Variants in DIAPH3 observed in about 807,000 individuals in gnomAD.
DIAPH3 encodes diaphanous related formin 3.
A neutral mutation model predicts 144.3 loss-of-function variants in DIAPH3; 117 were observed. That is an observed-to-expected ratio of 0.81 (90% CI 0.70 to 0.95). The LOEUF is 0.95. Among genes scored for constraint, DIAPH3 ranks in the 40% least tolerant of loss-of-function variants. The pLI is 0.00. For missense variants in DIAPH3, 1,421 were observed against 1,412.7 expected (o/e 1.01, Z -0.09); for synonymous variants, 519 against 488.9 (o/e 1.06, Z -0.81).
At chr13:59,774,373 C>T (rs1303639727) in intron 26 of DIAPH3, 125 bp from the exon 27 acceptor site, 2 of 763,948 alleles carry the variant, frequency 2.6e-6, no homozygotes, top group Non-Finnish European at 4.4e-6. Context: ...GCTTCAATAT[C>T]CTGAAATACT....
chr13:59,729,572 T>C (rs1428392945), intron 27 of DIAPH3, among the ~76,000 whole-genome samples: 3 of 152,062 alleles, frequency 2.0e-5, no homozygotes, highest in African/African-American at 7.2e-5. Flanking sequence ...ATCTGTATCT[T>C]GATTGTGATG....
chr13:59,716,704 T>C (rs2035079725), intron 27 of DIAPH3, among the ~76,000 whole-genome samples: 2 of 152,174 alleles, frequency 1.3e-5, no homozygotes, highest in Non-Finnish European at 2.9e-5. Context: ...AAAGATCACA[T>C]TATAAGCAGC....
chr13:59,666,485 A>C lies in DIAPH3; in HGVS notation c.*99T>G. 2 of 1,342,196 alleles carry C rather than the reference A, an allele frequency of 1.5e-6. No homozygotes were observed. The highest frequency in any genetic ancestry group is 2.0e-6 in the Non-Finnish European group (2 of 975,984). 83.1% of individuals were successfully genotyped at this position (1,342,196 alleles called of 1,614,324 possible). A position where few individuals can be genotyped will look rare whatever the true frequency, so the allele number is the denominator to read the frequency against. ...CTAATATATATCATAATTTAAAACT[A>C]TATAAAGTCACTTACATAAAAGCAA... is the stretch of plus-strand genomic sequence containing the variant. On this transcript the variant is annotated 3_prime_UTR_variant, in exon 28 of 28. Coordinates refer to ENST00000400324, the MANE Select transcript of DIAPH3 (RefSeq NM_001042517.2).
intron 24 of DIAPH3, 82 bp from the exon 25 acceptor site, chr13:59,811,005 T>G: frequency 7.8e-7 from 1 of 1,280,136 alleles, no homozygotes; most frequent in Non-Finnish European, 1.1e-6. Flanking sequence ...AAAATATGCT[T>G]AAGGTAGAAA....
chr13:60,141,322 T>G (rs1249328558), intron 1 of DIAPH3, among the ~76,000 whole-genome samples: 2 of 107,470 alleles, frequency 1.9e-5, no homozygotes, highest in Non-Finnish European at 4.0e-5. Context: ...TCTAATTTTT[T>G]CTACTACACA....
intron 9 of DIAPH3, among the ~76,000 whole-genome samples, chr13:59,994,807 G>C (rs943571319): frequency 2.6e-5 from 4 of 151,796 alleles, no homozygotes; most frequent in African/African-American, 9.7e-5. Context: ...AAGAAATGAG[G>C]TTGAACAAGG....
chr13:60,111,667 C>A lies in DIAPH3; in HGVS notation c.390+343G>T, dbSNP rs184696868. On this transcript the variant is annotated intron_variant, in intron 3 of 27. Coordinates refer to ENST00000400324, the MANE Select transcript of DIAPH3 (RefSeq NM_001042517.2). ...ATTCCAAAATCATCTCCACCACCCC[C>A]CAAACGCTCATGGAAAAATTGTCTT... Among the ~76,000 whole-genome samples the A allele has an allele frequency of 9.4e-4, 143 of 152,280 alleles. 2 individuals are homozygous for A. Among genetic ancestry groups the A allele is most frequent in the Non-Finnish European group, 1.5e-3 (105 of 68,012 alleles).
At chr13:59,947,381 T>C (rs958120729) in intron 17 of DIAPH3, among the ~76,000 whole-genome samples, 1 of 152,226 alleles carries the variant, frequency 6.6e-6, no homozygotes, top group African/African-American at 2.4e-5. Context: ...CACCGCCTGA[T>C]TCTCTTAACG....
At chr13:59,879,567 T>C in intron 20 of DIAPH3, 99 bp from the exon 21 acceptor site, 1 of 1,521,338 alleles carries the variant, frequency 6.6e-7, no homozygotes, top group Non-Finnish European at 9.0e-7. Flanking sequence ...GGTATGACAG[T>C]ACCAAAGAAG....
chr13:59,839,863 T>C (rs1021353777), intron 22 of DIAPH3, among the ~76,000 whole-genome samples: 13 of 152,296 alleles, frequency 8.5e-5, no homozygotes, highest in African/African-American at 3.1e-4. Context: ...ATGGGAAAGA[T>C]GGGGAAAAGT....
chr13:60,033,749 A>G (rs959172325), intron 5 of DIAPH3, among the ~76,000 whole-genome samples: 2 of 152,204 alleles, frequency 1.3e-5, no homozygotes, highest in African/African-American at 4.8e-5. Context: ...TATCCAAACT[A>G]TATCAATTAT....
intron 27 of DIAPH3, among the ~76,000 whole-genome samples, chr13:59,679,201 A>AT (rs1033965038): frequency 1.3e-5 from 2 of 152,168 alleles, no homozygotes; most frequent in Non-Finnish European, 1.5e-5. Context: ...CACTTCAGTT[A>AT]TTTTTTTGCA....
chr13:60,065,838 T>C (rs1483536484), intron 4 of DIAPH3, among the ~76,000 whole-genome samples: 1 of 152,162 alleles, frequency 6.6e-6, no homozygotes, highest in East Asian at 1.9e-4. Flanking sequence ...ATTAAGTATG[T>C]TTCTAATTTT....
intron 27 of DIAPH3, among the ~76,000 whole-genome samples, chr13:59,729,392 C>T (rs1300174154): frequency 6.6e-6 from 1 of 151,930 alleles, no homozygotes; most frequent in African/African-American, 2.4e-5. Flanking sequence ...AATACAGAAG[C>T]AAACAGTAAT....
chr13:59,976,102 T>G (rs942979317), intron 14 of DIAPH3, among the ~76,000 whole-genome samples: 1 of 151,946 alleles, frequency 6.6e-6, no homozygotes, highest in African/African-American at 2.4e-5. Flanking sequence ...TATAACCCCT[T>G]ACCATAATCC....
intron 24 of DIAPH3, among the ~76,000 whole-genome samples, chr13:59,815,540 T>C (rs1841223460): frequency 6.6e-6 from 1 of 152,194 alleles, no homozygotes; most frequent in Non-Finnish European, 1.5e-5. Flanking sequence ...AGATTTACTC[T>C]CTATACATTT....
At chr13:59,724,804 A>G (rs1191201181) in intron 27 of DIAPH3, among the ~76,000 whole-genome samples, 1 of 152,216 alleles carries the variant, frequency 6.6e-6, no homozygotes, top group Admixed American at 6.5e-5. Context: ...CCTTTGGGGA[A>G]TAGAAAGTAC....
At chr13:59,715,976 A>G (rs2035031182) in intron 27 of DIAPH3, among the ~76,000 whole-genome samples, 1 of 152,218 alleles carries the variant, frequency 6.6e-6, no homozygotes, top group Non-Finnish European at 1.5e-5. Context: ...TAAAGTGGGC[A>G]TACCACATTA....
rs550233507 is a variant in DIAPH3 at position 59,666,388 on chromosome 13, T to A, written c.*196A>T. 3.5e-5 allele frequency: 19 copies of A among 549,118 alleles called. No homozygotes were observed. The highest frequency in any genetic ancestry group is 2.0e-4 in the East Asian group (6 of 30,044). The allele number at this position is 549,118 out of a possible 1,614,324, so 34.0% of individuals were successfully genotyped here. A position where few individuals can be genotyped will look rare whatever the true frequency, so the allele number is the denominator to read the frequency against. ...AAAAAAAAAAAGGATTAAAGCCCGG[T>A]ACAATCTTGAATAAACCAAAACCTC... On this transcript the variant is annotated 3_prime_UTR_variant, in exon 28 of 28. Coordinates refer to ENST00000400324, the MANE Select transcript of DIAPH3 (RefSeq NM_001042517.2).
Sources: allele counts gnomAD v4.1 joint callset (sites outside exome capture counted in the v4.1 genomes callset), GRCh38; gene constraint gnomAD v4.1.1; transcripts MANE v1.5; gene names NCBI Gene and HGNC (gene_info 2026-07-23, HGNC 2026-07-21).